Variants in ABHD15 observed in about 807,000 individuals in gnomAD.
The protein encoded by ABHD15 is protein ABHD15.
Under a neutral mutation model 34.4 loss-of-function variants are expected in ABHD15, and 34 were observed. That is an observed-to-expected ratio of 0.99 (90% CI 0.75 to 1.32). The LOEUF (loss-of-function observed/expected upper bound fraction) is 1.32, where lower values mean the gene tolerates loss of function less well. ABHD15 is among the 40% of genes most tolerant of loss of function. ABHD15 has a pLI of 0.00. For missense variants in ABHD15, 644 were observed against 650.4 expected, an observed-to-expected ratio of 0.99 and a Z score of 0.11; for synonymous variants, 314 against 299.2, an observed-to-expected ratio of 1.05 and a Z score of -0.51.
rs752129442 is a variant in ABHD15 at position 29,563,024 on chromosome 17, C to T, written c.944G>A (p.Arg315Gln). The change falls in exon 2 of 2, where the codon CGA becomes CAA. Residue 315 changes from arginine to glutamine, a missense_variant. Physicochemically the swap from Arg to Gln is conservative, Grantham distance 43. Transcript: ENST00000307201. ...TSRLFRSRSL[R>Q]EFEEALFCHT... ...GCAGAAGAGAGCCTCCTCAAACTCTCGAAGGGAACGGCTCCTGAACAGTCT... is the reference window on the plus strand; with the variant it reads ...GCAGAAGAGAGCCTCCTCAAACTCTTGAAGGGAACGGCTCCTGAACAGTCT... 21 of 1,612,410 alleles carry T rather than the reference C, an allele frequency of 1.3e-5. No homozygotes were observed. The highest frequency in any genetic ancestry group is 6.7e-5 in the Admixed American group (4 of 59,982).
In ABHD15 at chr17:29,562,528, T is replaced by C. The variant is rs2032639586; in HGVS notation, c.*33A>G. The C allele has an allele frequency of 6.3e-6, 10 of 1,581,898 alleles. No homozygotes were observed. Among genetic ancestry groups the C allele is most frequent in the African/African-American group, 1.4e-5 (1 of 73,696 alleles). On this transcript the variant is annotated 3_prime_UTR_variant, in exon 2 of 2. Coordinates refer to ENST00000307201, the MANE Select transcript of ABHD15 (RefSeq NM_198147.3). ...CCCCCTTGCCCAGCTCTGTTTTTCT[T>C]TGCAGGACTTGGGGGTTCTCAGGCC... is the stretch of plus-strand genomic sequence containing the variant.
rs967653288 is a variant in ABHD15, at chr17:29,561,553, C to T, written c.*1008G>A. 8 of 152,320 alleles carry T rather than the reference C, an allele frequency of 5.3e-5. No homozygotes were observed. The highest frequency in any genetic ancestry group is 1.3e-4 in the Admixed American group (2 of 15,278). The allele number at this position is 152,320 out of a possible 1,614,324, so 9.4% of individuals were successfully genotyped here. A position where few individuals can be genotyped will look rare whatever the true frequency, so the allele number is the denominator to read the frequency against. The stretch of plus-strand genomic sequence containing the variant: ...AAATCACTGGTCAGCTCTAGTCAAC[C>T]TCTTGGTGCTTTTGTTTCCTCTGGT... On this transcript the variant is annotated 3_prime_UTR_variant, in exon 2 of 2. Transcript: ENST00000307201.
At position 29,562,887 on chromosome 17, in the gene ABHD15, G is replaced by C. The variant is rs1240742052; in HGVS notation, c.1081C>G (p.Pro361Ala). The C allele has an allele frequency of 1.2e-6, 2 of 1,614,146 alleles. No individual in the cohort carries two copies. Among genetic ancestry groups the C allele is most frequent in the Non-Finnish European group, 1.7e-6 (2 of 1,180,028 alleles). ...GTGTGGTCTGGGGGTCCACACACGG[G>C]GTCGTCAGCACTGCAGATACACAGC... The part of the protein sequence containing the change: ...PVLCICSADD[P>A]VCGPPDHTLT... Residue 361 changes from proline (P) to alanine (A), a missense_variant, in exon 2 of 2, where the codon CCC (proline) becomes GCC (alanine). Coordinates refer to ENST00000307201, the MANE Select transcript of ABHD15 (RefSeq NM_198147.3).
At position 29,566,353 on chromosome 17, in the gene ABHD15, C is replaced by A; in HGVS notation, c.614G>T (p.Arg205Leu). 6.2e-7 allele frequency: 1 copy of A among 1,611,108 alleles called. No homozygotes were observed. Residue 205 changes from arginine to leucine, a missense_variant, in exon 1 of 2, where the codon CGG (arginine) becomes CTG (leucine). Physicochemically the swap from Arg to Leu is moderately radical, Grantham distance 102. Coordinates refer to ENST00000307201, the MANE Select transcript of ABHD15 (RefSeq NM_198147.3). ...GHHGCPLVSPRLQPFGDPSDL... is the reference protein window; with the variant it reads ...GHHGCPLVSPLLQPFGDPSDL... ...GGACGGGTCCCCGAAAGGCTGCAGC[C>A]GGGGGCTGACCAGTGGGCAACCGTG...
chr17:29,566,550 C>G lies in ABHD15; in HGVS notation c.417G>C (p.Trp139Cys), dbSNP rs749756780. The G allele has an allele frequency of 6.2e-7, 1 of 1,610,156 alleles. No homozygotes were observed. ...LADDGLVALD[W>C]VVGPCVRGRR... Reference sequence around the variant, plus strand: ...GGCCCCGAACACAAGGTCCTACCACCCAGTCCAGGGCCACTAGCCCATCGT... The same window carrying G: ...GGCCCCGAACACAAGGTCCTACCACGCAGTCCAGGGCCACTAGCCCATCGT... Residue 139 changes from tryptophan to cysteine, a missense_variant, in exon 1 of 2, where the codon TGG (tryptophan) becomes TGC (cysteine). Physicochemically the swap from Trp to Cys is radical, Grantham distance 215. Transcript: ENST00000307201.
chr17:29,565,319 GTATA>G (rs140866496), intron 1 of ABHD15, among the ~76,000 whole-genome samples: 3 of 150,946 alleles, frequency 2.0e-5, no homozygotes, highest in Non-Finnish European at 4.4e-5. Context: ...GCGTGTGTGT[GTATA>G]TATATATATA....
At chr17:29,563,189 G>A in intron 1 of ABHD15, 103 bp from the exon 2 acceptor site, 4 of 1,315,358 alleles carry the variant, frequency 3.0e-6, no homozygotes, top group Non-Finnish European at 4.1e-6. Flanking sequence ...GGCCAGATCT[G>A]TCCACAGAGG....
Position 29,562,844 on chromosome 17 carries a change from A to G in ABHD15, c.1124T>C (p.Phe375Ser). 1.2e-6 allele frequency: 2 copies of G among 1,613,860 alleles called. No individual in the cohort carries two copies. Among genetic ancestry groups the G allele is most frequent in the Non-Finnish European group, 1.7e-6 (2 of 1,179,800 alleles). Reference sequence around the variant, plus strand: ...GAGGAAGAAGTAGGGGTTGCTGTGGAAGAGTTCAGTTGTCAGAGTGTGGTC... The same window carrying G: ...GAGGAAGAAGTAGGGGTTGCTGTGGGAGAGTTCAGTTGTCAGAGTGTGGTC... Reference protein sequence around the residue: ...PPDHTLTTELFHSNPYFFLLL... With the variant: ...PPDHTLTTELSHSNPYFFLLL... The change falls in exon 2 of 2, where the codon TTC becomes TCC. Residue 375 changes from phenylalanine to serine, a missense_variant. Physicochemically the swap from Phe to Ser is radical, Grantham distance 155. Transcript: ENST00000307201.
intron 1 of ABHD15, 146 bp downstream of exon 1, chr17:29,565,940 G>T: frequency 8.9e-7 from 1 of 1,117,470 alleles, no homozygotes; most frequent in Non-Finnish European, 1.2e-6. Context: ...AGATTACAGG[G>T]TTTGGAAGGC....
At chr17:29,565,813 G>A (rs910967110) in intron 1 of ABHD15, among the ~76,000 whole-genome samples, 4 of 152,228 alleles carry the variant, frequency 2.6e-5, no homozygotes, top group African/African-American at 9.6e-5. Flanking sequence ...AGATTGCTAG[G>A]ATACAGCAGG....
Position 29,566,848 on chromosome 17 carries a change from C to T in ABHD15, c.119G>A (p.Gly40Glu), listed in dbSNP as rs751969763. Residue 40 changes from glycine (G) to glutamate (E), a missense_variant, in exon 1 of 2, where the codon GGG becomes GAG. Coordinates refer to ENST00000307201, the MANE Select transcript of ABHD15 (RefSeq NM_198147.3). ...CTCCCCGTCGTCTCGGTCTTGGGCC[C>T]CCGGCAGGGTCCTCTCTCCGACGGC... Reference protein sequence around the residue: ...GRAVGERTLPGAQDRDDGEEA... With the variant: ...GRAVGERTLPEAQDRDDGEEA... The T allele has an allele frequency of 2.7e-5, 41 of 1,513,626 alleles. No homozygotes were observed. Among genetic ancestry groups the T allele is most frequent in the Non-Finnish European group, 3.5e-5 (40 of 1,139,168 alleles). The allele number at this position is 1,513,626 out of a possible 1,614,324, so 93.8% of individuals were successfully genotyped here.
Position 29,563,082 on chromosome 17 carries a change from C to T in ABHD15, c.886G>A (p.Ala296Thr), listed in dbSNP as rs780968261. The T allele has an allele frequency of 1.9e-6, 3 of 1,598,360 alleles. No individual in the cohort carries two copies. Among genetic ancestry groups the T allele is most frequent in the Non-Finnish European group, 2.6e-6 (3 of 1,175,462 alleles). Residue 296 changes from alanine (A) to threonine (T), a missense_variant, in exon 2 of 2, where the codon GCC (alanine) becomes ACC (threonine). Coordinates refer to ENST00000307201, the MANE Select transcript of ABHD15 (RefSeq NM_198147.3). ...LHQKIALSRY[A>T]TALEDTVDTS... ...TCCACAGTGTCCTCCAGGGCTGTGG[C>T]ATACCTGGCAGCGAGGTGTTTAGTG...
In ABHD15 at chr17:29,566,638, C is replaced by T; in HGVS notation, c.329G>A (p.Cys110Tyr). 6.2e-7 allele frequency: 1 copy of T among 1,606,802 alleles called. No homozygotes were observed. Residue 110 changes from cysteine (C) to tyrosine (Y), a missense_variant, in exon 1 of 2, where the codon TGC becomes TAC. Physicochemically the swap from Cys to Tyr is radical, Grantham distance 194. Transcript: ENST00000307201. ...AGGCGCTACGGGCAGGACGAAGTGGCAGAGGGTCTGCAGGTGGGGCCCGGA... is the reference window on the plus strand; with the variant it reads ...AGGCGCTACGGGCAGGACGAAGTGGTAGAGGGTCTGCAGGTGGGGCCCGGA... Reference protein sequence around the residue: ...WFSGPHLQTLCHFVLPVAPGP... With the variant: ...WFSGPHLQTLYHFVLPVAPGP...
Position 29,560,848 on chromosome 17 carries a change from G to T in ABHD15, c.*1713C>A, listed in dbSNP as rs2032620481. The T allele has an allele frequency of 6.6e-6, 1 of 152,086 alleles. No individual in the cohort carries two copies. The highest frequency in any genetic ancestry group is 1.5e-5 in the Non-Finnish European group (1 of 68,030). The allele number at this position is 152,086 out of a possible 1,614,324, so 9.4% of individuals were successfully genotyped here. On this transcript the variant is annotated 3_prime_UTR_variant, in exon 2 of 2. Coordinates refer to ENST00000307201, the MANE Select transcript of ABHD15 (RefSeq NM_198147.3). ...TTTTTGTATTTTTAGTAGAGATGAG[G>T]TTTCACTGTGTTAGCCAGGATGGTC...
rs2032706096 is a variant in ABHD15, at chr17:29,566,211, G to A, written c.756C>T (p.Ser252=). The part of the protein sequence containing the change: ...LLLSYLGECG[S]SSYVTGAACI... ...AGGCGGCGCCTGTCACGTAGCTGGA[G>A]GAGCCGCACTCGCCCAGGTAGGACA... is the stretch of plus-strand genomic sequence containing the variant. Residue 252 remains serine, a synonymous_variant, in exon 1 of 2, where the codon TCC becomes TCT. Transcript: ENST00000307201. The A allele has an allele frequency of 2.5e-6, 4 of 1,610,734 alleles. No homozygotes were observed. The highest frequency in any genetic ancestry group is 3.4e-6 in the Non-Finnish European group (4 of 1,178,806).
At chr17:29,565,437 C>T (rs1287037669) in intron 1 of ABHD15, among the ~76,000 whole-genome samples, 1 of 152,002 alleles carries the variant, frequency 6.6e-6, no homozygotes, top group African/African-American at 2.4e-5. Flanking sequence ...CGGTGATCCT[C>T]CCATCTCAAC....
At chr17:29,564,484 CA>C (rs1442745834) in intron 1 of ABHD15, among the ~76,000 whole-genome samples, 1 of 152,204 alleles carries the variant, frequency 6.6e-6, no homozygotes, top group African/African-American at 2.4e-5. Context: ...GAGGGCTTGG[CA>C]TCCTGACAAG....
chr17:29,562,344 T>C lies in ABHD15; in HGVS notation c.*217A>G. On this transcript the variant is annotated 3_prime_UTR_variant, in exon 2 of 2. Coordinates refer to ENST00000307201, the MANE Select transcript of ABHD15 (RefSeq NM_198147.3). ...TGCTGACCGGATGAGTAGGGATATG[T>C]TGAGCAGAGGCCAGGCAGGAGTTCT... 1 of 519,352 alleles carries C rather than the reference T, an allele frequency of 1.9e-6. No individual in the cohort carries two copies. Among genetic ancestry groups the C allele is most frequent in the Non-Finnish European group, 3.4e-6 (1 of 296,938 alleles). 32.2% of individuals were successfully genotyped at this position (519,352 alleles called of 1,614,324 possible).
In ABHD15 at chr17:29,562,832, GGGTTGCTGT is replaced by G; in HGVS notation, c.1127_1135del (p.His376_Asn378del). 6.2e-7 allele frequency: 1 copy of G among 1,613,762 alleles called. No individual in the cohort carries two copies. Among genetic ancestry groups the G allele is most frequent in the Non-Finnish European group, 8.5e-7 (1 of 1,179,710 alleles). On this transcript the variant is annotated inframe_deletion, in exon 2 of 2. Transcript: ENST00000307201. Reference sequence around the variant, plus strand: ...GCGACTGAGCAGGAGGAAGAAGTAGGGGTTGCTGTGGAAGAGTTCAGTTGTCAGAGTGTG... The same window carrying G: ...GCGACTGAGCAGGAGGAAGAAGTAGGGGAAGAGTTCAGTTGTCAGAGTGTG...
Sources: gnomAD v4.1 joint callset for allele counts (sites outside exome capture counted in the v4.1 genomes callset) on GRCh38, gnomAD v4.1.1 for gene constraint, MANE v1.5 for transcripts, NCBI Gene and HGNC (gene_info 2026-07-23, HGNC 2026-07-21) for gene names.